MUC5B: variants seen among roughly 807,000 people sequenced by gnomAD.
MUC5B encodes the protein mucin 5B, oligomeric mucus/gel-forming.
In MUC5B, 116 loss-of-function variants were observed where a neutral mutation model predicts 376.9. That is an observed-to-expected ratio of 0.31 (90% CI 0.26 to 0.36). The LOEUF (loss-of-function observed/expected upper bound fraction) is 0.36, where lower values mean the gene tolerates loss of function less well. Ranked by LOEUF, MUC5B falls within the 10% of genes least tolerant of loss-of-function variation. The pLI, the probability that MUC5B is intolerant of heterozygous loss-of-function variation, is 1.00. For missense variants in MUC5B, 7,165 were observed against 7,769.9 expected (o/e 0.92, Z 2.93); for synonymous variants, 3,517 against 3,390.9 (o/e 1.04, Z -1.29).
In MUC5B at chr11:1,247,047, A is replaced by C; in HGVS notation, c.10167A>C (p.Ser3389=). The C allele has an allele frequency of 6.4e-7, 1 of 1,551,126 alleles. No individual in the cohort carries two copies. The highest frequency in any genetic ancestry group is 1.2e-5 in the South Asian group (1 of 85,000). ...CACAGACCAGTGGTACTCCCCCATCACTGACCACCACGGCCACTACGATCA... is the reference window on the plus strand; with the variant it reads ...CACAGACCAGTGGTACTCCCCCATCCCTGACCACCACGGCCACTACGATCA... ...SSTQTSGTPP[S]LTTTATTITA... The change falls in exon 31 of 49, where the codon TCA becomes TCC. Residue 3389 remains serine, a synonymous_variant. Transcript: ENST00000529681.
chr11:1,241,474 A>G lies in MUC5B; in HGVS notation c.4594A>G (p.Lys1532Glu). ...QLGGDVESYD[K>E]IRAAGGHLCQ... is the part of the protein sequence containing the mutation. Reference sequence around the variant, plus strand: ...TGGAGGGGACGTTGAGTCCTACGATAAGATCAGGGCCGCTGGAGGGCACTT... The same window carrying G: ...TGGAGGGGACGTTGAGTCCTACGATGAGATCAGGGCCGCTGGAGGGCACTT... The change falls in exon 31 of 49, where the codon AAG becomes GAG. Residue 1532 changes from lysine (K) to glutamate (E), a missense_variant. This residue lies in a region of MUC5B where 517 missense variants were observed against 545.3 expected (regional missense o/e 0.95). Transcript: ENST00000529681. The G allele has an allele frequency of 1.2e-6, 2 of 1,613,476 alleles. No homozygotes were observed. The highest frequency in any genetic ancestry group is 1.7e-6 in the Non-Finnish European group (2 of 1,179,690).
chr11:1,229,608 C>T (rs1048565315), intron 9 of MUC5B, 82 bp from the exon 10 acceptor site: 12 of 1,237,580 alleles, frequency 9.7e-6, no homozygotes, highest in Non-Finnish European at 1.4e-5. Flanking sequence ...CCAAGGGAGG[C>T]AGCTTGTCCC....
At chr11:1,233,306 C>A in intron 18 of MUC5B, 38 bp downstream of exon 18, 2 of 1,479,496 alleles carry the variant, frequency 1.4e-6, no homozygotes, top group South Asian at 2.7e-5. Context: ...CCCAGGTGCT[C>A]CTCAGAGCCA....
At chr11:1,228,398 A>T in intron 7 of MUC5B, 166 bp from the exon 8 acceptor site, 5 of 640,962 alleles carry the variant, frequency 7.8e-6, no homozygotes, top group South Asian at 2.1e-5. Context: ...CCAAGGGCCA[A>T]GCAGAGCTCT....
Position 1,240,315 on chromosome 11 carries a change from G to A in MUC5B, c.3910G>A (p.Gly1304Arg). 1 of 1,612,904 alleles carries A rather than the reference G, an allele frequency of 6.2e-7. No individual in the cohort carries two copies. Residue 1304 changes from glycine (G) to arginine (R), a missense_variant, in exon 30 of 49, where the codon GGA becomes AGA. Physicochemically the swap from Gly to Arg is moderately radical, Grantham distance 125. Transcript: ENST00000529681. ...TIIRKAVACP[G>R]TPATTPFTFT... ...CATCAGGAAGGCTGTGGCATGTCCT[G>A]GAACTCCAGCCACAACGCCATTCAC...
chr11:1,259,130 C>T lies in MUC5B; in HGVS notation c.16713+69C>T. On this transcript the variant is annotated intron_variant, in intron 44 of 48. Coordinates refer to ENST00000529681, the MANE Select transcript of MUC5B (RefSeq NM_002458.3). ...CTGCCCCCAAGTGAGACCCGAGGCA[C>T]CTGCCCCCAGGTGAGACCTGAGTCA... 2.1e-6 allele frequency: 3 copies of T among 1,417,186 alleles called. 1 individual carries two copies. In the South Asian group the frequency reaches 3.7e-5, roughly 18 times the overall value. The allele number at this position is 1,417,186 out of a possible 1,614,324, so 87.8% of individuals were successfully genotyped here.
rs1863005620 is a variant in MUC5B at position 1,261,887 on chromosome 11, G to C, written c.*279G>C. ...TCCCTGATGTCACTGGGACGCCCTGGAACAAACTAAGCATGTGCGGGCCTA... is the reference window on the plus strand; with the variant it reads ...TCCCTGATGTCACTGGGACGCCCTGCAACAAACTAAGCATGTGCGGGCCTA... On this transcript the variant is annotated 3_prime_UTR_variant, in exon 49 of 49. Coordinates refer to ENST00000529681, the MANE Select transcript of MUC5B (RefSeq NM_002458.3). 9.0e-6 allele frequency: 6 copies of C among 665,542 alleles called. No homozygotes were observed. The highest frequency in any genetic ancestry group is 1.7e-5 in the Non-Finnish European group (6 of 361,258). 41.2% of individuals were successfully genotyped at this position (665,542 alleles called of 1,614,324 possible). A position where few individuals can be genotyped will look rare whatever the true frequency, so the allele number is the denominator to read the frequency against.
In MUC5B at chr11:1,247,566, C is replaced by A. The variant is rs771627704; in HGVS notation, c.10686C>A (p.Pro3562=). 574 of 1,610,896 alleles carry A rather than the reference C, an allele frequency of 3.6e-4. 10 individuals are homozygous for A. The South Asian group carries it at 5.5e-3, about 15-fold the overall frequency. Residue 3562 remains proline (P), a synonymous_variant, in exon 31 of 49, where the codon CCC becomes CCA. Transcript: ENST00000529681. Reference sequence around the variant, plus strand: ...TGCCCAGCAGCCCCACATCGGCCCCCATAACCACGGTGGTGACCACGGGCT... The same window carrying A: ...TGCCCAGCAGCCCCACATCGGCCCCAATAACCACGGTGGTGACCACGGGCT... ...TLLPSSPTSA[P]ITTVVTTGCE...
At position 1,230,042 on chromosome 11, in the gene MUC5B, C is replaced by T. The variant is rs1861986971; in HGVS notation, c.1258C>T (p.Pro420Ser). 1.2e-6 allele frequency: 2 copies of T among 1,609,530 alleles called. No homozygotes were observed. The highest frequency in any genetic ancestry group is 8.5e-7 in the Non-Finnish European group (1 of 1,178,608). ...GGGGCTATGGCAGTGCCAGGACCTG[C>T]CGTGCCCTGGCACCTGCTCTGTGCA... ...SGGLWQCQDL[P>S]CPGTCSVQGG... is the part of the protein sequence containing the mutation. The change falls in exon 11 of 49, where the codon CCG becomes TCG. Residue 420 changes from proline to serine, a missense_variant. Pro to Ser is a moderately conservative substitution (Grantham distance 74). Around this residue, in one of 31 missense-constraint regions of MUC5B, gnomAD observed 640 missense variants for 733.0 expected, o/e 0.87. Transcript: ENST00000529681.
In MUC5B at chr11:1,243,898, A is replaced by T; in HGVS notation, c.7018A>T (p.Thr2340Ser). ...MPGPSGGDFD[T>S]YSNIRAAGGA... ...GGGGCCCTCTGGCGGGGACTTTGAC[A>T]CCTACTCCAACATCCGTGCGGCCGG... The change falls in exon 31 of 49, where the codon ACC (threonine) becomes TCC (serine). Residue 2340 changes from threonine (T) to serine (S), a missense_variant. By Grantham distance (58) the Thr-to-Ser change is moderately conservative. Around this residue, in one of 31 missense-constraint regions of MUC5B, gnomAD observed 25 missense variants for 103.9 expected, o/e 0.24. Coordinates refer to ENST00000529681, the MANE Select transcript of MUC5B (RefSeq NM_002458.3). 6.2e-7 allele frequency: 1 copy of T among 1,609,344 alleles called. No individual in the cohort carries two copies. Among genetic ancestry groups the T allele is most frequent in the Non-Finnish European group, 8.5e-7 (1 of 1,178,500 alleles).
chr11:1,236,871 C>G, intron 24 of MUC5B, 54 bp from the exon 25 acceptor site: 2 of 1,398,304 alleles, frequency 1.4e-6, no homozygotes, highest in African/African-American at 1.5e-5. Context: ...TGCTGCCTCC[C>G]ACGGGTGCCT....
chr11:1,253,345 C>A lies in MUC5B; in HGVS notation c.15217+365C>A, dbSNP rs1424149429. On this transcript the variant is annotated intron_variant, in intron 33 of 48. Transcript: ENST00000529681. This position sits in a 1 kb window ranked among gnomAD's most constrained non-coding sequence, Gnocchi z 4.3. The stretch of plus-strand genomic sequence containing the variant: ...TTGCTGAGCTTCTCTGCACATCAGC[C>A]TGTGTGGTTTGAAAGGGACCCTGCC... Among the ~76,000 whole-genome samples, 6 of 152,158 alleles carry A rather than the reference C, an allele frequency of 3.9e-5. No individual in the cohort carries two copies. The highest frequency in any genetic ancestry group is 8.8e-5 in the Non-Finnish European group (6 of 68,028).
rs367588504 is a variant in MUC5B at position 1,229,721 on chromosome 11, C to T, written c.1134C>T (p.Gly378=). The T allele has an allele frequency of 2.4e-5, 38 of 1,591,424 alleles. No individual in the cohort carries two copies. The African/African-American group carries it at 4.0e-4, about 17-fold the overall frequency. ...TGCTGGATGACATCACGCACTCTGGCTGCCTGCCCCTCGGGCAGTGCCCCT... is the reference window on the plus strand; with the variant it reads ...TGCTGGATGACATCACGCACTCTGGTTGCCTGCCCCTCGGGCAGTGCCCCT... ...GTVLDDITHS[G]CLPLGQCPCT... is the part of the protein sequence containing the mutation. The change falls in exon 10 of 49, where the codon GGC becomes GGT. Residue 378 remains glycine (G), a synonymous_variant. Transcript: ENST00000529681.
In MUC5B at chr11:1,237,110, C is replaced by G. The variant is rs368839990; in HGVS notation, c.3243C>G (p.Ala1081=). 88 of 1,543,412 alleles carry G rather than the reference C, an allele frequency of 5.7e-5. No individual in the cohort carries two copies. In the African/African-American group the frequency reaches 1.2e-3, roughly 20 times the overall value. Residue 1081 remains alanine, a synonymous_variant, in exon 25 of 49, where the codon GCC becomes GCG. Transcript: ENST00000529681. ...CCAACCCCTTCCGCAAGTCCTGGGC[C>G]CAGAAGCAGTGCAGCATCCTCCACG... ...CTANPFRKSW[A]QKQCSILHGP...
chr11:1,246,023 C>T lies in MUC5B; in HGVS notation c.9143C>T (p.Ala3048Val), dbSNP rs188370271. Reference sequence around the variant, plus strand: ...ACTTCCTCCTCCAGTCCAAGGACTGCAACCACCCTTCCAGTGCTGACAAGC... The same window carrying T: ...ACTTCCTCCTCCAGTCCAAGGACTGTAACCACCCTTCCAGTGCTGACAAGC... The part of the protein sequence containing the change: ...KATSSSSPRT[A>V]TTLPVLTSTA... Residue 3048 changes from alanine (A) to valine (V), a missense_variant, in exon 31 of 49, where the codon GCA becomes GTA. Ala to Val is a moderately conservative substitution (Grantham distance 64). Around this residue, in one of 31 missense-constraint regions of MUC5B, gnomAD observed 939 missense variants for 770.6 expected, o/e 1.22. Transcript: ENST00000529681. 34,528 of 1,589,562 alleles carry T rather than the reference C, an allele frequency of 0.022. No individual in the cohort carries two copies. Among genetic ancestry groups the T allele is most frequent in the Non-Finnish European group, 0.024 (27,279 of 1,158,966 alleles).
In MUC5B at chr11:1,259,008, G is replaced by A. The variant is rs55856616; in HGVS notation, c.16660G>A (p.Asp5554Asn). The change falls in exon 44 of 49, where the codon GAC becomes AAC. Residue 5554 changes from aspartate to asparagine, a missense_variant. Coordinates refer to ENST00000529681, the MANE Select transcript of MUC5B (RefSeq NM_002458.3). ...TACCTGCCTCTCTGGGGACACCCAGGACCCAACGGTGCAATGTCAGGAGGA... is the reference window on the plus strand; with the variant it reads ...TACCTGCCTCTCTGGGGACACCCAGAACCCAACGGTGCAATGTCAGGAGGA... ...MCTCLSGDTQ[D>N]PTVQCQEDAC... 0.037 allele frequency: 57,962 copies of A among 1,560,460 alleles called. 1,401 individuals are homozygous for A. The highest frequency in any genetic ancestry group is 0.097 in the African/African-American group (7,124 of 73,354).
At chr11:1,225,536 G>A (rs940550661) in intron 1 of MUC5B, 145 bp from the exon 2 acceptor site, 7 of 711,386 alleles carry the variant, frequency 9.8e-6, no homozygotes, top group Admixed American at 2.7e-5. Flanking sequence ...AGTGTGTCGT[G>A]AGGGTGAACC....
In MUC5B at chr11:1,225,745, G is replaced by GCCAC. The variant is rs779871095; in HGVS notation, c.127+11_127+12insCCCA. The GCCAC allele has an allele frequency of 1.9e-6, 3 of 1,603,452 alleles. No homozygotes were observed. In the African/African-American group the frequency reaches 4.0e-5, roughly 21 times the overall value. On this transcript the variant is annotated intron_variant, in intron 2 of 48. Transcript: ENST00000529681. ...GGCACACCATGGATGGCGGTATGTG[G>GCCAC]CCAGGTTCGGGGGTGGGGGGTTCCT...
chr11:1,257,517 T>C lies in MUC5B; in HGVS notation c.16270-13T>C. ...GTCCAGGAGCCCTCAGGGACCCCCT[T>C]GATCCATTCCAGCCCGGGGAGCGGT... is the stretch of plus-strand genomic sequence containing the variant. On this transcript the variant is annotated splice_polypyrimidine_tract_variant and intron_variant, in intron 40 of 48. Coordinates refer to ENST00000529681, the MANE Select transcript of MUC5B (RefSeq NM_002458.3). The surrounding 1 kb of genome is among the most constrained non-coding windows in gnomAD (Gnocchi z 8.9). 2 of 1,607,482 alleles carry C rather than the reference T, an allele frequency of 1.2e-6. No homozygotes were observed. Among genetic ancestry groups the C allele is most frequent in the South Asian group, 1.1e-5 (1 of 90,918 alleles).
Sources: allele counts gnomAD v4.1 joint callset (sites outside exome capture counted in the v4.1 genomes callset), GRCh38; gene constraint gnomAD v4.1.1; regional missense constraint gnomAD v4.1.1; non-coding constraint Gnocchi (gnomAD v3.1); transcripts MANE v1.5; gene names NCBI Gene and HGNC (gene_info 2026-07-23, HGNC 2026-07-21).